Variants in ALDH16A1 observed in about 807,000 individuals in gnomAD.
ALDH16A1 encodes aldehyde dehydrogenase 16 family member A1.
ALDH16A1 carries 88 observed loss-of-function variants against 96.1 expected under a neutral mutation model. The ratio of observed to expected loss-of-function variants is 0.92; its 90% CI spans 0.77 to 1.09. The LOEUF (loss-of-function observed/expected upper bound fraction) is 1.09. Among genes scored for constraint, ALDH16A1 ranks in the 50% least tolerant of loss-of-function variants. The probability of loss-of-function intolerance (pLI) is 0.00; values close to 1 mark genes in which losing one functional copy is unlikely to be tolerated. For synonymous variants in ALDH16A1, 522 were observed against 496.4 expected (o/e 1.05, Z -0.69); for missense variants, 1,250 against 1,112.6 (o/e 1.12, Z -1.76).
At chr19:49,465,282 A>G (rs771368580) in intron 12 of ALDH16A1, among the ~76,000 whole-genome samples, 2 of 140,828 alleles carry the variant, frequency 1.4e-5, no homozygotes, top group Non-Finnish European at 3.0e-5. Flanking sequence ...GGCTCATGGG[A>G]ACAGGAATTT....
chr19:49,453,513 C>G (rs2079085097), intron 1 of ALDH16A1, 92 bp downstream of exon 1: 1 of 1,196,736 alleles, frequency 8.4e-7, no homozygotes, highest in Non-Finnish European at 1.2e-6. Context: ...ACTGCGGTAG[C>G]TCAGCCGCTC....
intron 1 of ALDH16A1, among the ~76,000 whole-genome samples, chr19:49,454,553 C>T (rs1367613671): frequency 1.3e-5 from 2 of 152,150 alleles, no homozygotes; most frequent in African/African-American, 2.4e-5. Flanking sequence ...ATGAGTAGGG[C>T]ACCTCAAACT....
Position 49,461,954 on chromosome 19 carries a change from C to T in ALDH16A1, c.830C>T (p.Ser277Leu), listed in dbSNP as rs201105786. The change falls in exon 7 of 17, where the codon TCG (serine) becomes TTG (leucine). Residue 277 changes from serine to leucine, a missense_variant. Transcript: ENST00000293350. ...AELGLALGTE[S>L]LLLLTDTADV... Reference sequence around the variant, plus strand: ...CTGGGCCTGGCGCTGGGGACGGAGTCGCTGCTGCTGCTGACGGACACGGCG... The same window carrying T: ...CTGGGCCTGGCGCTGGGGACGGAGTTGCTGCTGCTGCTGACGGACACGGCG... The T allele has an allele frequency of 4.1e-4, 644 of 1,568,126 alleles. 4 individuals are homozygous for T. Among genetic ancestry groups the T allele is most frequent in the Non-Finnish European group, 5.1e-4 (596 of 1,159,246 alleles).
At chr19:49,454,731 C>G (rs770563875) in intron 1 of ALDH16A1, among the ~76,000 whole-genome samples, 84 of 152,310 alleles carry the variant, frequency 5.5e-4, no homozygotes, top group Non-Finnish European at 1.0e-3. Flanking sequence ...CTGGCACAGC[C>G]TAGAACTTGG....
intron 14 of ALDH16A1, 44 bp downstream of exon 14, chr19:49,466,327 G>A: frequency 7.0e-7 from 1 of 1,422,886 alleles, no homozygotes; most frequent in Non-Finnish European, 9.2e-7. Flanking sequence ...CAGGCGGGGT[G>A]GGGCTCAGAC....
In ALDH16A1 at chr19:49,461,544, G is replaced by T. The variant is rs2079145822; in HGVS notation, c.578-75G>T. The T allele has an allele frequency of 1.4e-5, 4 of 287,270 alleles. 1 individual carries two copies. In the South Asian group the frequency reaches 2.7e-4, roughly 19 times the overall value. The allele number at this position is 287,270 out of a possible 1,614,324, so 17.8% of individuals were successfully genotyped here. ...GGGTCTGAGGGAGGAGGGGCTGGGGGTCCAGATTCCTGGGTCTGAGGGAGG... is the reference window on the plus strand; with the variant it reads ...GGGTCTGAGGGAGGAGGGGCTGGGGTTCCAGATTCCTGGGTCTGAGGGAGG... On this transcript the variant is annotated intron_variant, in intron 5 of 16. Transcript: ENST00000293350.
At position 49,464,480 on chromosome 19, in the gene ALDH16A1, C is replaced by T. The variant is rs774379640; in HGVS notation, c.1395C>T (p.Gly465=). The T allele has an allele frequency of 1.3e-5, 21 of 1,612,962 alleles. No homozygotes were observed. In the East Asian group the frequency reaches 1.3e-4, roughly 10 times the overall value. Reference sequence around the variant, plus strand: ...TCAGAGACCCTTCGGTGCCCACAGGCGGCTGCAAGGAGAGTGGGTGTTCCT... The same window carrying T: ...TCAGAGACCCTTCGGTGCCCACAGGTGGCTGCAAGGAGAGTGGGTGTTCCT... The part of the protein sequence containing the change: ...HGLRDPSVPT[G]GCKESGCSWH... The change falls in exon 11 of 17, where the codon GGC becomes GGT. Residue 465 remains glycine (G), a synonymous_variant. Transcript: ENST00000293350.
intron 4 of ALDH16A1, among the ~76,000 whole-genome samples, chr19:49,460,416 GT>G (rs58445185): frequency 0.12 from 16,205 of 139,586 alleles, 2,410 homozygotes; most frequent in African/African-American, 0.35. Context: ...TTTTGTTTTT[GT>G]TTTTTTTTTT....
intron 14 of ALDH16A1, among the ~76,000 whole-genome samples, chr19:49,467,520 G>A (rs559178473): frequency 1.3e-3 from 190 of 150,252 alleles, no homozygotes; most frequent in Admixed American, 0.011. Context: ...CCAGCCTTCC[G>A]AGTGGCTGGG....
intron 11 of ALDH16A1, 27 bp downstream of exon 11, chr19:49,464,549 GC>G: frequency 1.2e-6 from 2 of 1,612,530 alleles, no homozygotes; most frequent in Non-Finnish European, 1.7e-6. Context: ...CCCGTCACCA[GC>G]CCCCCCGCCG....
At position 49,468,822 on chromosome 19, in the gene ALDH16A1, C is replaced by A; in HGVS notation, c.2125-42C>A. The A allele has an allele frequency of 6.3e-7, 1 of 1,596,734 alleles. No individual in the cohort carries two copies. Among genetic ancestry groups the A allele is most frequent in the Admixed American group, 1.7e-5 (1 of 58,956 alleles). The stretch of plus-strand genomic sequence containing the variant: ...CCCTGAATGCCCACTCCTTGCCCTG[C>A]CCCCACGGCCTCCCCAACCTTTCAC... On this transcript the variant is annotated intron_variant, in intron 15 of 16. Transcript: ENST00000293350. This position sits in a 1 kb window ranked among gnomAD's most constrained non-coding sequence, Gnocchi z 4.4.
chr19:49,461,392 G>A (rs866941293), intron 5 of ALDH16A1, among the ~76,000 whole-genome samples: 38 of 122,888 alleles, frequency 3.1e-4, no homozygotes, highest in African/African-American at 1.2e-3. Context: ...AGGGAGGAGG[G>A]GCTGGAGTCT....
In ALDH16A1 at chr19:49,460,827, A is replaced by G; in HGVS notation, c.505A>G (p.Ile169Val). The G allele has an allele frequency of 6.2e-7, 1 of 1,613,190 alleles. No homozygotes were observed. Among genetic ancestry groups the G allele is most frequent in the Non-Finnish European group, 8.5e-7 (1 of 1,179,784 alleles). Residue 169 changes from isoleucine to valine, a missense_variant, in exon 5 of 17, where the codon ATT (isoleucine) becomes GTT (valine). Physicochemically the swap from Ile to Val is conservative, Grantham distance 29. Transcript: ENST00000293350. Reference protein sequence around the residue: ...ALAGWEPMGVIGLILPPTFSF... With the variant: ...ALAGWEPMGVVGLILPPTFSF... The stretch of plus-strand genomic sequence containing the variant: ...GCCTCATTTTTTTCTTGCAGGAGTA[A>G]TTGGCCTCATCCTGCCACCCACATT...
In ALDH16A1 at chr19:49,464,052, G is replaced by A. The variant is rs2079176277; in HGVS notation, c.1195-75G>A. On this transcript the variant is annotated intron_variant, in intron 9 of 16. Transcript: ENST00000293350. ...GGTAACCATGTGACCTGGGCGTGGG[G>A]GCTGCTGCCTGCTCTAGGCTCCTTC... 2.5e-6 allele frequency: 4 copies of A among 1,579,412 alleles called. No individual in the cohort carries two copies. In the South Asian group the frequency reaches 3.4e-5, roughly 14 times the overall value.
At chr19:49,458,257 G>A (rs1361999403) in intron 1 of ALDH16A1, among the ~76,000 whole-genome samples, 1 of 152,092 alleles carries the variant, frequency 6.6e-6, no homozygotes, top group East Asian at 1.9e-4. Context: ...AACTAGAGTG[G>A]TGATGGTTAC....
chr19:49,465,747 C>T lies in ALDH16A1; in HGVS notation c.1578C>T (p.Pro526=). ...TCCCACCCTACTCCAGCCCAGCACC[C>T]CCCTATGGGCTCTTCGTTGGGGGCC... ...AGPEIGPSPA[P]PYGLFVGGRF... is the part of the protein sequence containing the mutation. The change falls in exon 13 of 17, where the codon CCC becomes CCT. Residue 526 remains proline (P), a synonymous_variant. Coordinates refer to ENST00000293350, the MANE Select transcript of ALDH16A1 (RefSeq NM_153329.4). 6.2e-7 allele frequency: 1 copy of T among 1,613,326 alleles called. No homozygotes were observed. Among genetic ancestry groups the T allele is most frequent in the Non-Finnish European group, 8.5e-7 (1 of 1,179,478 alleles).
chr19:49,467,080 C>T (rs1303026275), intron 14 of ALDH16A1, among the ~76,000 whole-genome samples: 1 of 152,198 alleles, frequency 6.6e-6, no homozygotes, highest in Non-Finnish European at 1.5e-5. Flanking sequence ...TGCAGTGCCA[C>T]AATCATGGCT....
In ALDH16A1 at chr19:49,464,344, G is replaced by T. The variant is rs540018165; in HGVS notation, c.1332-73G>T. 42 of 1,569,176 alleles carry T rather than the reference G, an allele frequency of 2.7e-5. No homozygotes were observed. The Admixed American group carries it at 2.9e-4, about 11-fold the overall frequency. On this transcript the variant is annotated intron_variant, in intron 10 of 16. Transcript: ENST00000293350. ...CCCTTCTCCCTGGGTCGCTCCCCGC[G>T]CCTTTAACTCACCCCTCTCCCGGCC...
In ALDH16A1 at chr19:49,464,441, C is replaced by G. The variant is rs368289777; in HGVS notation, c.1356C>G (p.Ile452Met). 3.1e-5 allele frequency: 50 copies of G among 1,607,156 alleles called. No homozygotes were observed. The highest frequency in any genetic ancestry group is 5.3e-5 in the African/African-American group (4 of 74,892). Reference protein sequence around the residue: ...GYGLQVGTVWINAHGLRDPSV... With the variant: ...GYGLQVGTVWMNAHGLRDPSV... ...GGCTCCAGGTGGGCACTGTCTGGATCAACGCCCACGGCCTCAGAGACCCTT... is the reference window on the plus strand; with the variant it reads ...GGCTCCAGGTGGGCACTGTCTGGATGAACGCCCACGGCCTCAGAGACCCTT... The change falls in exon 11 of 17, where the codon ATC (isoleucine) becomes ATG (methionine). Residue 452 changes from isoleucine (I) to methionine (M), a missense_variant. Coordinates refer to ENST00000293350, the MANE Select transcript of ALDH16A1 (RefSeq NM_153329.4).
Sources: gnomAD v4.1 joint callset for allele counts (sites outside exome capture counted in the v4.1 genomes callset) on GRCh38, gnomAD v4.1.1 for gene constraint, Gnocchi (gnomAD v3.1) non-coding constraint, MANE v1.5 for transcripts, NCBI Gene and HGNC (gene_info 2026-07-23, HGNC 2026-07-21) for gene names.